PTPRO: variants seen among roughly 807,000 people sequenced by gnomAD.
PTPRO encodes the protein protein tyrosine phosphatase receptor type O.
In PTPRO, 62 loss-of-function variants were observed where a neutral mutation model predicts 145.2. The observed-to-expected ratio is 0.43, with a 90% CI of 0.35 to 0.53. The LOEUF (loss-of-function observed/expected upper bound fraction) is 0.53, where lower values mean the gene tolerates loss of function less well. PTPRO is among the 20% of genes least tolerant of loss of function. The probability of loss-of-function intolerance (pLI) is 0.01; values close to 1 mark genes in which losing one functional copy is unlikely to be tolerated. For synonymous variants in PTPRO, 565 were observed against 514.7 expected, an observed-to-expected ratio of 1.10 and a Z score of -1.32; for missense variants, 1,345 against 1,482.7, an observed-to-expected ratio of 0.91 and a Z score of 1.53.
intron 1 of PTPRO, among the ~76,000 whole-genome samples, chr12:15,455,909 G>A (rs1941165183): frequency 1.3e-5 from 2 of 152,138 alleles, no homozygotes; most frequent in Admixed American, 6.5e-5. Context: ...TAATGTAGAT[G>A]ACAGGTTGAT....
At chr12:15,584,108 GCACAC>G (rs1591769524) in intron 23 of PTPRO, among the ~76,000 whole-genome samples, 1 of 152,160 alleles carries the variant, frequency 6.6e-6, no homozygotes, top group East Asian at 1.9e-4. Flanking sequence ...CTTTATCACA[GCACAC>G]CATAGATAGT....
intron 1 of PTPRO, among the ~76,000 whole-genome samples, chr12:15,397,730 T>G (rs576109981): frequency 1.3e-5 from 2 of 152,308 alleles, no homozygotes; most frequent in South Asian, 4.1e-4. Flanking sequence ...AGAAAAAGTT[T>G]CAGCCTTTGT....
At chr12:15,453,731 T>C (rs1819276648) in intron 1 of PTPRO, among the ~76,000 whole-genome samples, 1 of 152,154 alleles carries the variant, frequency 6.6e-6, no homozygotes, top group Non-Finnish European at 1.5e-5. Context: ...ATAGGAACTC[T>C]TCATTTTCTC....
chr12:15,415,781 G>A (rs776657616), intron 1 of PTPRO, among the ~76,000 whole-genome samples: 1 of 151,738 alleles, frequency 6.6e-6, no homozygotes, highest in East Asian at 1.9e-4. Flanking sequence ...TTTGAAAAAC[G>A]AGAAGTGTTT....
chr12:15,515,575 C>A lies in PTPRO; in HGVS notation c.1542C>A (p.Gly514=), dbSNP rs1449781093. 1.2e-6 allele frequency: 2 copies of A among 1,613,936 alleles called. No homozygotes were observed. The highest frequency in any genetic ancestry group is 1.7e-5 in the Admixed American group (1 of 59,998). Residue 514 remains glycine, a synonymous_variant, in exon 8 of 27, where the codon GGC becomes GGA. Transcript: ENST00000281171. ...AGGTTGTAATATACCTAAGGAAAGG[C>A]CCTTTGATTGGACCACCTTCAGATC... The part of the protein sequence containing the change: ...QYQVVIYLRK[G]PLIGPPSDPV...
At chr12:15,509,374 G>GAA (rs35896369) in intron 7 of PTPRO, among the ~76,000 whole-genome samples, 4 of 145,982 alleles carry the variant, frequency 2.7e-5, no homozygotes, top group East Asian at 2.0e-4. Context: ...CATTCTTGCT[G>GAA]AAAAAAAAAA....
At chr12:15,506,646 G>A (rs569702840) in intron 6 of PTPRO, among the ~76,000 whole-genome samples, 17 of 152,166 alleles carry the variant, frequency 1.1e-4, no homozygotes, top group Admixed American at 5.9e-4. Context: ...ATGAGAACTC[G>A]CTCATTGTCT....
In PTPRO at chr12:15,591,126, T is replaced by C. The variant is rs531526418; in HGVS notation, c.3546+1536T>C. Among the ~76,000 whole-genome samples, 3 of 152,282 alleles carry C rather than the reference T, an allele frequency of 2.0e-5. No homozygotes were observed. The South Asian group carries it at 6.2e-4, about 32-fold the overall frequency. The stretch of plus-strand genomic sequence containing the variant: ...GCTCACAGCTGTAATCCCAGCACTT[T>C]AGGAGGCTGAGGCGTGCGGATCACC... On this transcript the variant is annotated intron_variant, in intron 25 of 26. Coordinates refer to ENST00000281171, the MANE Select transcript of PTPRO (RefSeq NM_030667.3).
At chr12:15,544,804 C>T (rs189258325) in intron 12 of PTPRO, among the ~76,000 whole-genome samples, 75 of 152,306 alleles carry the variant, frequency 4.9e-4, no homozygotes, top group Non-Finnish European at 8.5e-4. Flanking sequence ...AAATTGACCT[C>T]TGTGTTTCAT....
Position 15,524,936 on chromosome 12 carries a change from G to A in PTPRO, c.2014G>A (p.Ala672Thr). The change falls in exon 11 of 27, where the codon GCA becomes ACA. Residue 672 changes from alanine (A) to threonine (T), a missense_variant. Ala to Thr is a moderately conservative substitution (Grantham distance 58). Coordinates refer to ENST00000281171, the MANE Select transcript of PTPRO (RefSeq NM_030667.3). Reference sequence around the variant, plus strand: ...TAGAATGCTTCACTGGATGGTGGTTGCAGAAGGAAAAAAGAAAATTAAAAA... The same window carrying A: ...TAGAATGCTTCACTGGATGGTGGTTACAGAAGGAAAAAAGAAAATTAAAAA... ...HSRMLHWMVV[A>T]EGKKKIKKSV... is the part of the protein sequence containing the mutation. 1.2e-6 allele frequency: 2 copies of A among 1,614,036 alleles called. No homozygotes were observed. The highest frequency in any genetic ancestry group is 8.5e-7 in the Non-Finnish European group (1 of 1,179,964).
intron 1 of PTPRO, among the ~76,000 whole-genome samples, chr12:15,332,380 C>A (rs1388696620): frequency 6.6e-6 from 1 of 152,172 alleles, no homozygotes; most frequent in Non-Finnish European, 1.5e-5. Context: ...AAGCAATCAT[C>A]CCAACTTTCT....
intron 26 of PTPRO, chr12:15,595,270 C>G (rs1860836945): frequency 3.8e-6 from 2 of 529,498 alleles, no homozygotes; most frequent in Non-Finnish European, 6.9e-6. Flanking sequence ...TTGGTGTTGG[C>G]AACAAACAGG....
chr12:15,350,013 T>A (rs915401140), intron 1 of PTPRO, among the ~76,000 whole-genome samples: 1 of 152,156 alleles, frequency 6.6e-6, no homozygotes, highest in Admixed American at 6.5e-5. Context: ...CAGGTAGAGA[T>A]GCCCAGAAGC....
At position 15,549,067 on chromosome 12, in the gene PTPRO, AATTTACCTT is replaced by A; in HGVS notation, c.2305-22_2305-14del. The A allele has an allele frequency of 2.5e-6, 4 of 1,610,248 alleles. No individual in the cohort carries two copies. The highest frequency in any genetic ancestry group is 3.4e-6 in the Non-Finnish European group (4 of 1,177,098). ...AAAAATATAGATGAAGTTAACCTAAAATTTACCTTATTTTCTGAAACCCCAGGAACCAGT... is the reference window on the plus strand; with the variant it reads ...AAAAATATAGATGAAGTTAACCTAAAATTTTCTGAAACCCCAGGAACCAGT... On this transcript the variant is annotated intron_variant, in intron 13 of 26. Transcript: ENST00000281171.
chr12:15,519,908 A>T (rs1318366674), intron 9 of PTPRO, among the ~76,000 whole-genome samples: 1 of 152,184 alleles, frequency 6.6e-6, no homozygotes, highest in Non-Finnish European at 1.5e-5. Flanking sequence ...GTCACTTATA[A>T]ATAAGGACTG....
chr12:15,546,449 C>G (rs1209528396), intron 12 of PTPRO, 120 bp from the exon 13 acceptor site: 10 of 1,516,238 alleles, frequency 6.6e-6, no homozygotes, highest in African/African-American at 2.8e-5. Flanking sequence ...AATATAAAGT[C>G]TTTATGGTGC....
intron 1 of PTPRO, among the ~76,000 whole-genome samples, chr12:15,341,122 C>T (rs1017619886): frequency 1.1e-4 from 17 of 152,112 alleles, no homozygotes; most frequent in African/African-American, 3.9e-4. Flanking sequence ...GTTTGTTTTT[C>T]TTTTCTTTTT....
At chr12:15,394,128 C>T (rs1199154002) in intron 1 of PTPRO, among the ~76,000 whole-genome samples, 3 of 152,142 alleles carry the variant, frequency 2.0e-5, no homozygotes, top group African/African-American at 4.8e-5. Context: ...AGCCCCACCT[C>T]CCAATACTGT....
chr12:15,359,006 G>T (rs943259306), intron 1 of PTPRO, among the ~76,000 whole-genome samples: 1 of 152,086 alleles, frequency 6.6e-6, no homozygotes, highest in African/African-American at 2.4e-5. Flanking sequence ...TTACATAATT[G>T]TGCACTCAAA....
Sources: gnomAD v4.1 joint callset for allele counts (sites outside exome capture counted in the v4.1 genomes callset) on GRCh38, gnomAD v4.1.1 for gene constraint, MANE v1.5 for transcripts, NCBI Gene and HGNC (gene_info 2026-07-23, HGNC 2026-07-21) for gene names.